The following RABGEF1 variants were observed in gnomAD, a reference collection of about 807,000 sequenced individuals.
RABGEF1 encodes RAB guanine nucleotide exchange factor 1.
A neutral mutation model predicts 57.3 loss-of-function variants in RABGEF1; 26 were observed. The ratio of observed to expected loss-of-function variants is 0.45; its 90% CI spans 0.33 to 0.63. The LOEUF (loss-of-function observed/expected upper bound fraction) is 0.63. Ranked by LOEUF, RABGEF1 falls within the 20% of genes least tolerant of loss-of-function variation. The pLI, the probability that RABGEF1 is intolerant of heterozygous loss-of-function variation, is 0.02. For missense variants in RABGEF1, 464 were observed against 607.6 expected, an observed-to-expected ratio of 0.76 and a Z score of 2.48; for synonymous variants, 185 against 210.7, an observed-to-expected ratio of 0.88 and a Z score of 1.06.
intron 4 of RABGEF1, among the ~76,000 whole-genome samples, chr7:66,790,192 G>A (rs1246035935): frequency 1.3e-5 from 2 of 152,174 alleles, no homozygotes; most frequent in Non-Finnish European, 2.9e-5. Flanking sequence ...TCCAGAAGAA[G>A]AAATTAAAGA....
At chr7:66,776,453 G>A (rs1304416705) in intron 3 of RABGEF1, among the ~76,000 whole-genome samples, 3 of 152,214 alleles carry the variant, frequency 2.0e-5, no homozygotes, top group Admixed American at 6.5e-5. Flanking sequence ...AGCGCTTTGG[G>A]AGGCCAAGAC....
chr7:66,743,376 A>G (rs1459237478), intron 1 of RABGEF1, among the ~76,000 whole-genome samples: 18 of 151,494 alleles, frequency 1.2e-4, no homozygotes, highest in Non-Finnish European at 2.2e-4. Context: ...CCAGGCTGGA[A>G]TGCAGTGGCA....
At chr7:66,681,067 AGC>A (rs1789684766), upstream of RABGEF1, among the ~76,000 whole-genome samples, 1 of 152,172 alleles carries the variant, frequency 6.6e-6, no homozygotes, top group South Asian at 2.1e-4. Flanking sequence ...TGGGTGACAG[AGC>A]GCGACTGTCT....
intron 7 of RABGEF1, among the ~76,000 whole-genome samples, chr7:66,800,468 A>G (rs1327353531): frequency 6.6e-6 from 1 of 152,020 alleles, no homozygotes; most frequent in Non-Finnish European, 1.5e-5. Context: ...AGTTTCTGTA[A>G]TTTCTTGTGC....
Position 66,794,841 on chromosome 7 carries a change from C to T in RABGEF1, c.514-670C>T, listed in dbSNP as rs551486345. ...CAAATGCACAGTGGTAGAGGAGAGT[C>T]GAAGAAGTCAGTTAATATAATGCAG... is the stretch of plus-strand genomic sequence containing the variant. On this transcript the variant is annotated intron_variant, in intron 4 of 8. Coordinates refer to ENST00000284957, the MANE Select transcript of RABGEF1 (RefSeq NM_014504.3). Among the ~76,000 whole-genome samples, 13 of 151,996 alleles carry T rather than the reference C, an allele frequency of 8.6e-5. No homozygotes were observed. The South Asian group carries it at 2.5e-3, about 29-fold the overall frequency.
intron 4 of RABGEF1, among the ~76,000 whole-genome samples, chr7:66,789,173 C>T (rs1241483106): frequency 1.3e-5 from 2 of 152,096 alleles, no homozygotes; most frequent in Non-Finnish European, 2.9e-5. Flanking sequence ...GTAGTTTGCC[C>T]TGCCACGTAA....
At chr7:66,798,834 C>T (rs1584239396) in intron 6 of RABGEF1, among the ~76,000 whole-genome samples, 1 of 152,208 alleles carries the variant, frequency 6.6e-6, no homozygotes, top group East Asian at 1.9e-4. Flanking sequence ...TGGAGGTGGG[C>T]GCCTGTAGTC....
At chr7:66,803,862 C>T (rs564548968) in intron 7 of RABGEF1, among the ~76,000 whole-genome samples, 3 of 148,802 alleles carry the variant, frequency 2.0e-5, no homozygotes, top group Non-Finnish European at 3.0e-5. Context: ...GTACTCTAGC[C>T]GGGGCAACAG....
chr7:66,681,046 G>A (rs1478741044), upstream of RABGEF1, among the ~76,000 whole-genome samples: 4 of 152,128 alleles, frequency 2.6e-5, no homozygotes, highest in Non-Finnish European at 4.4e-5. Context: ...TCACACCACT[G>A]CACTCCACTC....
At chr7:66,686,811 A>G (rs1790702752) in intron 1 of RABGEF1, among the ~76,000 whole-genome samples, 1 of 151,448 alleles carries the variant, frequency 6.6e-6, no homozygotes, top group East Asian at 1.9e-4. Flanking sequence ...TTTATAGTAG[A>G]ACTTTTTTTT....
At chr7:66,671,144 T>G in the RABGEF1 span, among the ~76,000 whole-genome samples, 161 of 152,200 alleles carry the variant, frequency 1.1e-3, no homozygotes, top group African/African-American at 3.6e-3. Flanking sequence ...ATTACAGTAT[T>G]TAATTTTTAG....
intron 1 of RABGEF1, among the ~76,000 whole-genome samples, chr7:66,697,731 TTC>T (rs1293079502): frequency 1.3e-5 from 2 of 151,940 alleles, no homozygotes; most frequent in African/African-American, 4.8e-5. Flanking sequence ...GTGGGGGGTG[TTC>T]ATGTTTGAAG....
At chr7:66,706,842 C>T (rs1430963497) in intron 1 of RABGEF1, among the ~76,000 whole-genome samples, 6 of 122,826 alleles carry the variant, frequency 4.9e-5, no homozygotes, top group East Asian at 5.1e-4. Context: ...ACTGCAGTTT[C>T]GCGATCTCAG....
At chr7:66,740,299 C>T (rs1798608843), upstream of RABGEF1, 1 of 152,288 alleles carries the variant, frequency 6.6e-6, no homozygotes, top group Non-Finnish European at 1.5e-5. Context: ...CCTGTCACAT[C>T]CTAGGATCCG....
the RABGEF1 span, among the ~76,000 whole-genome samples, chr7:66,658,140 C>T: frequency 4.6e-5 from 7 of 152,196 alleles, no homozygotes; most frequent in South Asian, 8.3e-4. Flanking sequence ...TAAGAGAATA[C>T]TATAAACATA....
At chr7:66,781,397 T>C (rs1809869110) in intron 3 of RABGEF1, among the ~76,000 whole-genome samples, 1 of 152,206 alleles carries the variant, frequency 6.6e-6, no homozygotes, top group African/African-American at 2.4e-5. Context: ...AAGTTCTGGG[T>C]TACATGTGCA....
At chr7:66,746,478 A>C (rs1264087330) in intron 1 of RABGEF1, among the ~76,000 whole-genome samples, 1 of 151,512 alleles carries the variant, frequency 6.6e-6, no homozygotes, top group East Asian at 1.9e-4. Context: ...TTTAGTAGAG[A>C]CGGGGTTTCA....
At chr7:66,778,045 A>T (rs755951345) in intron 3 of RABGEF1, among the ~76,000 whole-genome samples, 1 of 152,200 alleles carries the variant, frequency 6.6e-6, no homozygotes, top group East Asian at 1.9e-4. Flanking sequence ...CAGATCACTT[A>T]ATATAACTTA....
At chr7:66,741,738 C>T (rs543265231) in intron 1 of RABGEF1, among the ~76,000 whole-genome samples, 5 of 152,158 alleles carry the variant, frequency 3.3e-5, no homozygotes, top group Non-Finnish European at 7.4e-5. Context: ...CACAGTGTTG[C>T]CCAGGCAGGT....
Sources: allele counts gnomAD v4.1 joint callset (sites outside exome capture counted in the v4.1 genomes callset), GRCh38; gene constraint gnomAD v4.1.1; transcripts MANE v1.5; gene names NCBI Gene and HGNC (gene_info 2026-07-23, HGNC 2026-07-21).